The following RBM33 variants were observed in gnomAD, a reference collection of about 807,000 sequenced individuals.
RBM33 encodes the protein RNA binding motif protein 33.
RBM33 carries 28 observed loss-of-function variants against 132.6 expected under a neutral mutation model. The observed-to-expected ratio is 0.21, with a 90% confidence interval of 0.16 to 0.29. The LOEUF (loss-of-function observed/expected upper bound fraction) is 0.29, where lower values mean the gene tolerates loss of function less well. RBM33 is among the 10% of genes least tolerant of loss of function. The pLI, the probability that RBM33 is intolerant of heterozygous loss-of-function variation, is 1.00. For missense variants in RBM33, 1,291 were observed against 1,518.5 expected, an observed-to-expected ratio of 0.85 and a Z score of 2.49; for synonymous variants, 634 against 593.0, an observed-to-expected ratio of 1.07 and a Z score of -1.01.
Position 155,688,002 on chromosome 7 carries a change from G to A in RBM33, c.567+7094G>A, listed in dbSNP as rs111666063. ...ATGAACTTGAAAGTAGTTTTTTCCA[G>A]TTCTGTGAAGAAAGTCATTGGCAGC... On this transcript the variant is annotated intron_variant, in intron 5 of 17. Transcript: ENST00000401878. 7.2e-3 allele frequency among the ~76,000 whole-genome samples: 1,102 copies of A among 152,190 alleles called. 18 individuals are homozygous for A. Among genetic ancestry groups the A allele is most frequent in the African/African-American group, 0.025 (1,048 of 41,522 alleles).
At chr7:155,766,253 T>C (rs1802212532) in intron 15 of RBM33, among the ~76,000 whole-genome samples, 1 of 152,126 alleles carries the variant, frequency 6.6e-6, no homozygotes, top group Admixed American at 6.6e-5. Flanking sequence ...GTCAGCTCCC[T>C]CCTCTTCCTC....
At chr7:155,737,452 C>T in intron 9 of RBM33, 78 bp from the exon 10 acceptor site, 1 of 1,426,492 alleles carries the variant, frequency 7.0e-7, no homozygotes, top group Non-Finnish European at 9.3e-7. Flanking sequence ...AACTTGGAAC[C>T]AGGTCTATAT....
chr7:155,736,243 G>C (rs754375387), intron 9 of RBM33, among the ~76,000 whole-genome samples: 1 of 152,198 alleles, frequency 6.6e-6, no homozygotes, highest in East Asian at 1.9e-4. Context: ...GTTGTGTTTA[G>C]AGGGAACAGT....
At position 155,644,895 on chromosome 7, in the gene RBM33, G is replaced by C. The variant is rs1363145999; in HGVS notation, c.19G>C (p.Ala7Pro). ...GAGTGCCATGGCGGCCGCCCTGGGA[G>C]CGAGCGGAGGAGCAGGCGCCGGAGG... MAAALGASGGAGAGDDD... is the reference protein window; with the variant it reads MAAALGPSGGAGAGDDD... The change falls in exon 1 of 18, where the codon GCG (alanine) becomes CCG (proline). Residue 7 changes from alanine (A) to proline (P), a missense_variant. Physicochemically the swap from Ala to Pro is conservative, Grantham distance 27. This residue lies in a region of RBM33 where 194 missense variants were observed against 249.8 expected (regional missense o/e 0.78). Coordinates refer to ENST00000401878, the MANE Select transcript of RBM33 (RefSeq NM_053043.3). 5 of 1,499,004 alleles carry C rather than the reference G, an allele frequency of 3.3e-6. No homozygotes were observed. In the Admixed American group the frequency reaches 8.5e-5, roughly 25 times the overall value. The allele number at this position is 1,499,004 out of a possible 1,614,324, so 92.9% of individuals were successfully genotyped here. A position where few individuals can be genotyped will look rare whatever the true frequency, so the allele number is the denominator to read the frequency against.
chr7:155,655,185 T>G (rs1343736996), intron 1 of RBM33, among the ~76,000 whole-genome samples: 1 of 152,236 alleles, frequency 6.6e-6, no homozygotes, highest in East Asian at 1.9e-4. Flanking sequence ...ACATACACAG[T>G]GGCCATACCA....
At chr7:155,757,153 A>AGTT (rs10696055) in intron 14 of RBM33, among the ~76,000 whole-genome samples, 44,159 of 151,948 alleles carry the variant, frequency 0.29, 7,800 homozygotes, top group African/African-American at 0.5. Context: ...CAAAGGGACA[A>AGTT]GTTGAATCGA....
chr7:155,746,762 G>T (rs889133883), intron 14 of RBM33: 1 of 152,152 alleles, frequency 6.6e-6, no homozygotes, highest in Non-Finnish European at 1.5e-5. Context: ...GCTATTCATT[G>T]TATGCAATTT....
chr7:155,741,854 G>A lies in RBM33; in HGVS notation c.2085G>A (p.Met695Ile). Residue 695 changes from methionine (M) to isoleucine (I), a missense_variant, in exon 13 of 18, where the codon ATG (methionine) becomes ATA (isoleucine). Met to Ile is a conservative substitution (Grantham distance 10). This residue lies in a region of RBM33 where 841 missense variants were observed against 912.0 expected (regional missense o/e 0.92). Coordinates refer to ENST00000401878, the MANE Select transcript of RBM33 (RefSeq NM_053043.3). ...CTCAGAATGTAAGCAAGCGGCCCAT[G>A]CAGCAAATGCAGCCCACTGCGCCAA... ...TTSQNVSKRPMQQMQPTAPRN... is the reference protein window; with the variant it reads ...TTSQNVSKRPIQQMQPTAPRN... 1 of 1,613,352 alleles carries A rather than the reference G, an allele frequency of 6.2e-7. No individual in the cohort carries two copies. Among genetic ancestry groups the A allele is most frequent in the African/African-American group, 1.3e-5 (1 of 75,032 alleles).
intron 5 of RBM33, among the ~76,000 whole-genome samples, chr7:155,689,227 C>A (rs1353621384): frequency 6.6e-6 from 1 of 152,154 alleles, no homozygotes; most frequent in African/African-American, 2.4e-5. Context: ...AGGAATTTAT[C>A]CATTTCTTCT....
At chr7:155,695,670 A>G (rs1799773948) in intron 5 of RBM33, among the ~76,000 whole-genome samples, 1 of 152,174 alleles carries the variant, frequency 6.6e-6, no homozygotes, top group Admixed American at 6.5e-5. Context: ...CACGTTGGCC[A>G]AGCTGGTCTT....
chr7:155,709,305 C>T (rs906653990), intron 7 of RBM33, among the ~76,000 whole-genome samples: 1 of 152,010 alleles, frequency 6.6e-6, no homozygotes, highest in African/African-American at 2.4e-5. Flanking sequence ...CATTGGCATC[C>T]CCTTAAATAC....
intron 5 of RBM33, among the ~76,000 whole-genome samples, chr7:155,681,927 T>C (rs1283402119): frequency 1.3e-5 from 2 of 152,138 alleles, no homozygotes; most frequent in African/African-American, 4.8e-5. Context: ...CTCAGTAGTT[T>C]TTTTTTTTTT....
At chr7:155,659,504 T>C (rs533760689) in intron 1 of RBM33, among the ~76,000 whole-genome samples, 1 of 152,076 alleles carries the variant, frequency 6.6e-6, no homozygotes, top group South Asian at 2.1e-4. Flanking sequence ...AGCAGAAGAA[T>C]CAGCAAACTT....
At chr7:155,717,173 G>A (rs1006191856) in intron 8 of RBM33, among the ~76,000 whole-genome samples, 1 of 152,194 alleles carries the variant, frequency 6.6e-6, no homozygotes, top group African/African-American at 2.4e-5. Flanking sequence ...ATGTGTACGA[G>A]TTTGCTGGGG....
chr7:155,724,990 T>TTTTGTGTGTGTG (rs71186056), intron 9 of RBM33, among the ~76,000 whole-genome samples: 78 of 123,362 alleles, frequency 6.3e-4, no homozygotes, highest in African/African-American at 1.8e-3. Flanking sequence ...GTGTACAGGT[T>TTTTGTGTGTGTG]TGTGTGTGTG....
chr7:155,751,608 G>A (rs117264010), intron 14 of RBM33, among the ~76,000 whole-genome samples: 26 of 152,278 alleles, frequency 1.7e-4, no homozygotes, highest in Non-Finnish European at 2.6e-4. Flanking sequence ...CATCCTGATC[G>A]GTTTCAGGTT....
At chr7:155,771,285 C>G (rs894565446) in intron 16 of RBM33, among the ~76,000 whole-genome samples, 2 of 152,190 alleles carry the variant, frequency 1.3e-5, no homozygotes, top group Admixed American at 1.3e-4. Context: ...GTTTCTTTTC[C>G]TCTGCTCCTA....
At chr7:155,719,079 TTAAC>T (rs2116991793) in intron 9 of RBM33, among the ~76,000 whole-genome samples, 2 of 152,332 alleles carry the variant, frequency 1.3e-5, no homozygotes, top group Admixed American at 1.3e-4. Flanking sequence ...AAAAAGCCCA[TTAAC>T]TAGTTATATT....
chr7:155,672,584 G>A (rs111997489), intron 2 of RBM33, among the ~76,000 whole-genome samples: 7 of 152,070 alleles, frequency 4.6e-5, no homozygotes, highest in South Asian at 4.2e-4. Context: ...GTGAAATCCC[G>A]TCTCTACTAA....
Sources: gnomAD v4.1 joint callset for allele counts (sites outside exome capture counted in the v4.1 genomes callset) on GRCh38, gnomAD v4.1.1 for gene constraint, gnomAD v4.1.1 regional missense constraint, MANE v1.5 for transcripts, NCBI Gene and HGNC (gene_info 2026-07-23, HGNC 2026-07-21) for gene names.